The following EXOC4 variants were observed in gnomAD, a reference collection of about 807,000 sequenced individuals.
The protein encoded by EXOC4 is SEC8-like 1.
EXOC4 carries 71 observed loss-of-function variants against 107.2 expected under a neutral mutation model. The ratio of observed to expected loss-of-function variants is 0.66; its 90% CI spans 0.55 to 0.81. The LOEUF is 0.81. Among genes scored for constraint, EXOC4 ranks in the 30% least tolerant of loss-of-function variants. The probability of loss-of-function intolerance (pLI) is 0.00; values close to 1 mark genes in which losing one functional copy is unlikely to be tolerated. For synonymous variants in EXOC4, 456 were observed against 441.2 expected, an observed-to-expected ratio of 1.03 and a Z score of -0.42; for missense variants, 1,108 against 1,189.6, an observed-to-expected ratio of 0.93 and a Z score of 1.01.
intron 10 of EXOC4, among the ~76,000 whole-genome samples, chr7:133,693,741 G>C (rs942741630): frequency 1.3e-5 from 2 of 152,130 alleles, no homozygotes; most frequent in African/African-American, 4.8e-5. Context: ...CCTAGCCTCC[G>C]TAGTCCCTGG....
chr7:133,461,691 T>C (rs572949765), intron 7 of EXOC4, among the ~76,000 whole-genome samples: 1 of 152,276 alleles, frequency 6.6e-6, no homozygotes, highest in African/African-American at 2.4e-5. Context: ...GTAAGTAAAT[T>C]AATGTACCTC....
At chr7:133,637,873 G>A (rs190196000) in intron 10 of EXOC4, among the ~76,000 whole-genome samples, 2 of 152,120 alleles carry the variant, frequency 1.3e-5, no homozygotes, top group African/African-American at 4.8e-5. Context: ...AACACCGATT[G>A]CAACTAACTG....
Position 133,962,612 on chromosome 7 carries a change from A to G in EXOC4, c.2206+24543A>G, listed in dbSNP as rs749934193. Among the ~76,000 whole-genome samples, 159 of 152,300 alleles carry G rather than the reference A, an allele frequency of 1.0e-3. 2 individuals carry two copies. Among genetic ancestry groups the G allele is most frequent in the East Asian group, 1.3e-3 (7 of 5,190 alleles). ...GCTCTTATTTTCTGTCACTCTTTAT[A>G]TACTATCTAAATCTTACCACACAAA... is the stretch of plus-strand genomic sequence containing the variant. On this transcript the variant is annotated intron_variant, in intron 14 of 17. Transcript: ENST00000253861.
At chr7:133,288,389 T>C (rs895693066) in intron 2 of EXOC4, among the ~76,000 whole-genome samples, 1 of 152,186 alleles carries the variant, frequency 6.6e-6, no homozygotes, top group African/African-American at 2.4e-5. Flanking sequence ...TGTCCTTTTA[T>C]TTTCAGATTA....
chr7:133,467,015 A>T (rs537557501), intron 7 of EXOC4, among the ~76,000 whole-genome samples: 3 of 152,240 alleles, frequency 2.0e-5, no homozygotes, highest in South Asian at 4.1e-4. Flanking sequence ...ACCTAATGCA[A>T]ATTTATTAAT....
chr7:133,657,336 A>AT lies in EXOC4; in HGVS notation c.1514+27203dup, dbSNP rs1208665054. Among the ~76,000 whole-genome samples, 22 of 152,002 alleles carry AT rather than the reference A, an allele frequency of 1.4e-4. No homozygotes were observed. In the East Asian group the frequency reaches 4.1e-3, roughly 28 times the overall value. On this transcript the variant is annotated intron_variant, in intron 10 of 17. Transcript: ENST00000253861. ...AAATATCAAAATTTTACTTCCGAGC[A>AT]TTTTTTTTAGCATGGATGTTAAACA... is the stretch of plus-strand genomic sequence containing the variant.
At chr7:133,865,485 A>G (rs1355878318) in intron 11 of EXOC4, among the ~76,000 whole-genome samples, 1 of 152,194 alleles carries the variant, frequency 6.6e-6, no homozygotes, top group African/African-American at 2.4e-5. Flanking sequence ...CTCCGTAGAA[A>G]CACTTGTATC....
intron 5 of EXOC4, among the ~76,000 whole-genome samples, chr7:133,334,433 A>G (rs1297017141): frequency 1.3e-5 from 2 of 152,170 alleles, no homozygotes; most frequent in Non-Finnish European, 2.9e-5. Context: ...TCACTCTACA[A>G]TATATCCTGG....
chr7:133,294,075 C>G (rs989162068), intron 3 of EXOC4, among the ~76,000 whole-genome samples: 3 of 152,102 alleles, frequency 2.0e-5, no homozygotes, highest in African/African-American at 7.2e-5. Flanking sequence ...TTTTAATTCC[C>G]TTATTGTCTT....
At chr7:133,683,659 G>A (rs990585021) in intron 10 of EXOC4, among the ~76,000 whole-genome samples, 1 of 152,022 alleles carries the variant, frequency 6.6e-6, no homozygotes, top group Non-Finnish European at 1.5e-5. Flanking sequence ...AACAAGAAAA[G>A]CAAGGAAAAA....
intron 11 of EXOC4, among the ~76,000 whole-genome samples, chr7:133,832,152 T>C (rs776527557): frequency 6.6e-6 from 1 of 152,242 alleles, no homozygotes; most frequent in African/African-American, 2.4e-5. Context: ...TAGTTTATTT[T>C]GCCTTTAGTC....
chr7:133,688,669 A>C (rs145723154), intron 10 of EXOC4, among the ~76,000 whole-genome samples: 1 of 152,310 alleles, frequency 6.6e-6, no homozygotes, highest in East Asian at 1.9e-4. Flanking sequence ...AAACGTTCAT[A>C]CATAATTTAG....
intron 11 of EXOC4, among the ~76,000 whole-genome samples, chr7:133,858,511 G>C (rs1275344864): frequency 6.6e-6 from 1 of 152,162 alleles, no homozygotes; most frequent in Non-Finnish European, 1.5e-5. Context: ...GAGACTGACA[G>C]CCTGGTTTTC....
chr7:133,704,844 A>T (rs1794734803), intron 10 of EXOC4, among the ~76,000 whole-genome samples: 1 of 152,206 alleles, frequency 6.6e-6, no homozygotes, highest in African/African-American at 2.4e-5. Context: ...GCATCAGGTG[A>T]TGCTCAGAAT....
intron 15 of EXOC4, among the ~76,000 whole-genome samples, chr7:134,000,989 G>C (rs1368169267): frequency 6.6e-6 from 1 of 151,954 alleles, no homozygotes; most frequent in African/African-American, 2.4e-5. Flanking sequence ...CCAATCCAGC[G>C]CAGTCTGTGT....
intron 5 of EXOC4, among the ~76,000 whole-genome samples, chr7:133,353,357 A>G (rs1795953071): frequency 1.3e-5 from 2 of 152,112 alleles, no homozygotes; most frequent in Admixed American, 6.5e-5. Context: ...TTACTTGGCA[A>G]TGTCTTAATT....
intron 14 of EXOC4, among the ~76,000 whole-genome samples, chr7:133,943,138 T>C (rs1369803286): frequency 6.6e-6 from 1 of 152,196 alleles, no homozygotes; most frequent in Non-Finnish European, 1.5e-5. Context: ...TAGAACACTT[T>C]CGTCATCACA....
intron 10 of EXOC4, among the ~76,000 whole-genome samples, chr7:133,755,501 G>A (rs1264655559): frequency 1.3e-5 from 2 of 149,238 alleles, no homozygotes; most frequent in Admixed American, 6.7e-5. Context: ...ACGCCAGCAC[G>A]CTCAGTTAAT....
At chr7:133,917,261 A>G (rs1363785470) in intron 12 of EXOC4, among the ~76,000 whole-genome samples, 3 of 152,102 alleles carry the variant, frequency 2.0e-5, no homozygotes, top group Admixed American at 2.0e-4. Context: ...TTTTTATTCA[A>G]CATTTTCTTA....
Sources: gnomAD v4.1 joint callset for allele counts (sites outside exome capture counted in the v4.1 genomes callset) on GRCh38, gnomAD v4.1.1 for gene constraint, MANE v1.5 for transcripts, NCBI Gene and HGNC (gene_info 2026-07-23, HGNC 2026-07-21) for gene names.